The following LGI2 variants were observed in gnomAD, a reference collection of about 807,000 sequenced individuals.
The protein encoded by LGI2 is leucine rich repeat LGI family member 2.
LGI2 carries 30 observed loss-of-function variants against 52.0 expected under a neutral mutation model. The ratio of observed to expected loss-of-function variants is 0.58; its 90% CI spans 0.43 to 0.78. The LOEUF is 0.78. Ranked by LOEUF, LGI2 falls within the 30% of genes least tolerant of loss-of-function variation. The probability of loss-of-function intolerance (pLI) is 0.00; values close to 1 mark genes in which losing one functional copy is unlikely to be tolerated. For missense variants in LGI2, 573 were observed against 692.5 expected, an observed-to-expected ratio of 0.83 and a Z score of 1.94; for synonymous variants, 270 against 271.8, an observed-to-expected ratio of 0.99 and a Z score of 0.06.
rs1725218838 is a variant in LGI2, at chr4:25,000,804, T to C, written c.*2647A>G. On this transcript the variant is annotated 3_prime_UTR_variant, in exon 8 of 8. Coordinates refer to ENST00000382114, the MANE Select transcript of LGI2 (RefSeq NM_018176.4). ...ATTTCTCTGCTTTGCATTTTTGCTG[T>C]TGCTTGGTTGGTTTTTTGTTTTACA... 6.6e-6 allele frequency: 1 copy of C among 152,266 alleles called. No homozygotes were observed. The highest frequency in any genetic ancestry group is 1.5e-5 in the Non-Finnish European group (1 of 68,048). The allele number at this position is 152,266 out of a possible 1,614,324, so 9.4% of individuals were successfully genotyped here.
At chr4:25,006,860 T>A (rs1163257385) in intron 7 of LGI2, among the ~76,000 whole-genome samples, 6 of 152,186 alleles carry the variant, frequency 3.9e-5, no homozygotes, top group Non-Finnish European at 8.8e-5. Flanking sequence ...ATTCAGATAA[T>A]TTGGCCTCAG....
intron 7 of LGI2, among the ~76,000 whole-genome samples, chr4:25,008,062 A>C (rs1320130383): frequency 6.6e-6 from 1 of 152,138 alleles, no homozygotes; most frequent in Admixed American, 6.5e-5. Context: ...CCAGCAACCG[A>C]GAGACAGCTC....
intron 1 of LGI2, among the ~76,000 whole-genome samples, chr4:25,028,851 C>T (rs543910809): frequency 6.6e-6 from 1 of 152,312 alleles, no homozygotes; most frequent in East Asian, 1.9e-4. Flanking sequence ...TTAAATCAAT[C>T]CCTTCACTTC....
chr4:25,021,697 C>T lies in LGI2; in HGVS notation c.414-2459G>A, dbSNP rs188807898. Among the ~76,000 whole-genome samples the T allele has an allele frequency of 6.3e-3, 952 of 152,088 alleles. 5 individuals are homozygous for T. The highest frequency in any genetic ancestry group is 8.9e-3 in the Non-Finnish European group (603 of 67,978). On this transcript the variant is annotated intron_variant, in intron 4 of 7. Coordinates refer to ENST00000382114, the MANE Select transcript of LGI2 (RefSeq NM_018176.4). ...CTATAATCCCAACACTTTGGGAGGC[C>T]GAGGTGGGTGGATCATGAGGTCAGG...
chr4:24,997,694 G>A (rs16876537), downstream of LGI2, among the ~76,000 whole-genome samples: 17,001 of 152,112 alleles, frequency 0.11, 1,383 homozygotes, highest in East Asian at 0.36. Flanking sequence ...CGCCTGTGGT[G>A]AACAGACCTT....
chr4:25,000,307 G>A lies in LGI2; in HGVS notation c.*3144C>T, dbSNP rs1725198121. Reference sequence around the variant, plus strand: ...TCTGCTGATCAGAGGGAAAGTTATTGCTTTGCCAGTCCCTATTGGATAACC... The same window carrying A: ...TCTGCTGATCAGAGGGAAAGTTATTACTTTGCCAGTCCCTATTGGATAACC... On this transcript the variant is annotated 3_prime_UTR_variant, in exon 8 of 8. Transcript: ENST00000382114. 1 of 153,320 alleles carries A rather than the reference G, an allele frequency of 6.5e-6. No homozygotes were observed. Among genetic ancestry groups the A allele is most frequent in the Non-Finnish European group, 1.5e-5 (1 of 68,870 alleles). The allele number at this position is 153,320 out of a possible 1,614,324, so 9.5% of individuals were successfully genotyped here. A position where few individuals can be genotyped will look rare whatever the true frequency, so the allele number is the denominator to read the frequency against.
At chr4:25,012,537 A>G in intron 6 of LGI2, 38 bp from the exon 7 acceptor site, 2 of 1,606,166 alleles carry the variant, frequency 1.2e-6, no homozygotes, top group Non-Finnish European at 1.7e-6. Flanking sequence ...CGTTCATAAA[A>G]TCTCCTGTAG....
rs1577542120 is a variant in LGI2 at position 25,000,973 on chromosome 4, T to C, written c.*2478A>G. On this transcript the variant is annotated 3_prime_UTR_variant, in exon 8 of 8. Coordinates refer to ENST00000382114, the MANE Select transcript of LGI2 (RefSeq NM_018176.4). The stretch of plus-strand genomic sequence containing the variant: ...CCTTTAGTAAGTTGGCCAGAACAAA[T>C]ATCTCCTTCCACAGCACAGGCGCTC... 4.6e-5 allele frequency: 7 copies of C among 152,340 alleles called. 1 individual carries two copies. The highest frequency in any genetic ancestry group is 4.6e-4 in the Admixed American group (7 of 15,296). 9.4% of individuals were successfully genotyped at this position (152,340 alleles called of 1,614,324 possible).
chr4:25,011,284 A>T (rs1360027528), intron 7 of LGI2, among the ~76,000 whole-genome samples: 1 of 151,956 alleles, frequency 6.6e-6, no homozygotes, highest in Admixed American at 6.6e-5. Context: ...CTTGGCTTCC[A>T]CAGCAGGTTC....
chr4:25,023,925 C>T (rs1438358189), intron 4 of LGI2, among the ~76,000 whole-genome samples: 1 of 152,136 alleles, frequency 6.6e-6, no homozygotes, highest in African/African-American at 2.4e-5. Context: ...AGTTTCAAAT[C>T]AATTTCTTTA....
At chr4:25,011,380 G>A (rs1015220086) in intron 7 of LGI2, among the ~76,000 whole-genome samples, 2 of 152,158 alleles carry the variant, frequency 1.3e-5, no homozygotes, top group African/African-American at 4.8e-5. Context: ...CAGATGGCCC[G>A]ACGGTGGCCA....
chr4:25,010,511 G>C (rs761208201), intron 7 of LGI2, among the ~76,000 whole-genome samples: 1 of 152,160 alleles, frequency 6.6e-6, no homozygotes, highest in African/African-American at 2.4e-5. Flanking sequence ...TCCACATGAG[G>C]CACATCCACT....
In LGI2 at chr4:25,030,661, G is replaced by A. The variant is rs1270076935; in HGVS notation, c.33C>T (p.Leu11=). Reference sequence around the variant, plus strand: ...CGCCCAGCAGCAGCAGCAGCAGCCCGAGCGCTCCGCAGCCGCCTCTCCGCA... The same window carrying A: ...CGCCCAGCAGCAGCAGCAGCAGCCCAAGCGCTCCGCAGCCGCCTCTCCGCA... The part of the protein sequence containing the change: MALRRGGCGA[L]GLLLLLLGAA... Residue 11 remains leucine (L), a synonymous_variant, in exon 1 of 8, where the codon CTC becomes CTT. Transcript: ENST00000382114. The A allele has an allele frequency of 7.2e-6, 11 of 1,526,974 alleles. No individual in the cohort carries two copies. The highest frequency in any genetic ancestry group is 9.7e-6 in the Non-Finnish European group (11 of 1,139,272). 94.6% of individuals were successfully genotyped at this position (1,526,974 alleles called of 1,614,324 possible).
In LGI2 at chr4:25,001,636, T is replaced by C. The variant is rs556923703; in HGVS notation, c.*1815A>G. The C allele has an allele frequency of 6.6e-6, 1 of 152,316 alleles. No homozygotes were observed. Among genetic ancestry groups the C allele is most frequent in the East Asian group, 1.9e-4 (1 of 5,182 alleles). The allele number at this position is 152,316 out of a possible 1,614,324, so 9.4% of individuals were successfully genotyped here. On this transcript the variant is annotated 3_prime_UTR_variant, in exon 8 of 8. Coordinates refer to ENST00000382114, the MANE Select transcript of LGI2 (RefSeq NM_018176.4). ...CACTTTTCTCCTGTTTGCTTGGTATTTTGCAGAAGTTTCAAGTAACAACAC... is the reference window on the plus strand; with the variant it reads ...CACTTTTCTCCTGTTTGCTTGGTATCTTGCAGAAGTTTCAAGTAACAACAC...
At position 25,030,925 on chromosome 4, in the gene LGI2, T is replaced by G. The variant is rs1057481593; in HGVS notation, c.-232A>C. ...CGGGCTGCTGGGCGGCCGCCGCCGC[T>G]GCGCCCGCCGCACTCGCGCCTGCCT... is the stretch of plus-strand genomic sequence containing the variant. On this transcript the variant is annotated 5_prime_UTR_variant, in exon 1 of 8. Coordinates refer to ENST00000382114, the MANE Select transcript of LGI2 (RefSeq NM_018176.4). The G allele has an allele frequency of 6.4e-6, 1 of 155,922 alleles. No individual in the cohort carries two copies. Among genetic ancestry groups the G allele is most frequent in the African/African-American group, 2.4e-5 (1 of 41,282 alleles). The allele number at this position is 155,922 out of a possible 1,614,324, so 9.7% of individuals were successfully genotyped here. A position where few individuals can be genotyped will look rare whatever the true frequency, so the allele number is the denominator to read the frequency against.
chr4:25,006,106 T>C (rs1407014786), intron 7 of LGI2, among the ~76,000 whole-genome samples: 3 of 152,236 alleles, frequency 2.0e-5, no homozygotes, highest in Admixed American at 1.3e-4. Context: ...TGCTTGCCCA[T>C]AGTGGGCATG....
chr4:25,006,178 G>T (rs1034341443), intron 7 of LGI2, among the ~76,000 whole-genome samples: 13 of 152,150 alleles, frequency 8.5e-5, no homozygotes, highest in African/African-American at 3.1e-4. Context: ...ATAAAACTAA[G>T]ACTTTGCAGA....
chr4:25,030,888 C>T lies in LGI2; in HGVS notation c.-195G>A, dbSNP rs1019485307. 1 of 175,408 alleles carries T rather than the reference C, an allele frequency of 5.7e-6. No individual in the cohort carries two copies. The highest frequency in any genetic ancestry group is 6.5e-5 in the Admixed American group (1 of 15,424). 10.9% of individuals were successfully genotyped at this position (175,408 alleles called of 1,614,324 possible). A position where few individuals can be genotyped will look rare whatever the true frequency, so the allele number is the denominator to read the frequency against. On this transcript the variant is annotated 5_prime_UTR_variant, in exon 1 of 8. Transcript: ENST00000382114. ...GGCCGCCACCCCCACTCGGCGCCCC[C>T]CCACCCGAGCCCGGGCTGCTGGGCG... is the stretch of plus-strand genomic sequence containing the variant.
At chr4:25,028,373 A>G in intron 2 of LGI2, 134 bp downstream of exon 2, 2 of 722,332 alleles carry the variant, frequency 2.8e-6, no homozygotes, top group South Asian at 1.7e-5. Flanking sequence ...GTAAATTAAC[A>G]CCAAGAGGCA....
Sources: allele counts gnomAD v4.1 joint callset (sites outside exome capture counted in the v4.1 genomes callset), GRCh38; gene constraint gnomAD v4.1.1; transcripts MANE v1.5; gene names NCBI Gene and HGNC (gene_info 2026-07-23, HGNC 2026-07-21).